The following DLG2 variants were observed in gnomAD, a reference collection of about 807,000 sequenced individuals.
DLG2 encodes discs large MAGUK scaffold protein 2, also known as disks large homolog 2.
In DLG2, 45 loss-of-function variants were observed where a neutral mutation model predicts 132.5. The observed-to-expected ratio is 0.34, with a 90% confidence interval of 0.27 to 0.44. The LOEUF (loss-of-function observed/expected upper bound fraction) is 0.44, where lower values mean the gene tolerates loss of function less well. DLG2 is among the 20% of genes least tolerant of loss of function. DLG2 has a pLI of 1.00. For missense variants in DLG2, 1,045 were observed against 1,196.9 expected, an observed-to-expected ratio of 0.87 and a Z score of 1.87; for synonymous variants, 424 against 419.6, an observed-to-expected ratio of 1.01 and a Z score of -0.13.
At chr11:84,297,185 A>C (rs956866142) in intron 7 of DLG2, among the ~76,000 whole-genome samples, 3 of 151,772 alleles carry the variant, frequency 2.0e-5, no homozygotes, top group African/African-American at 7.3e-5. Flanking sequence ...GCCTGTCTGA[A>C]GAAAAATTGA....
chr11:85,548,614 G>T (rs2076474575), intron 3 of DLG2, among the ~76,000 whole-genome samples: 1 of 152,170 alleles, frequency 6.6e-6, no homozygotes, highest in Non-Finnish European at 1.5e-5. Flanking sequence ...CAGGTGCTCT[G>T]TCCCAGGGAG....
intron 7 of DLG2, among the ~76,000 whole-genome samples, chr11:84,286,056 C>T (rs1002898758): frequency 6.6e-6 from 1 of 152,116 alleles, no homozygotes; most frequent in Non-Finnish European, 1.5e-5. Context: ...CCTAGGAATC[C>T]ATTAACCTAG....
Position 84,379,724 on chromosome 11 carries a change from G to T in DLG2, c.520-128433C>A, listed in dbSNP as rs574465447. On this transcript the variant is annotated intron_variant, in intron 7 of 27. Transcript: ENST00000376104. The stretch of plus-strand genomic sequence containing the variant: ...ACCGTAACATTATTGAAAGTATCTT[G>T]CCAGTACACTTTTAATGAGAGTTTC... Among the ~76,000 whole-genome samples the T allele has an allele frequency of 2.6e-5, 4 of 151,808 alleles. No individual in the cohort carries two copies. The South Asian group carries it at 6.3e-4, about 24-fold the overall frequency.
intron 7 of DLG2, among the ~76,000 whole-genome samples, chr11:84,381,146 C>T (rs2098747888): frequency 6.6e-6 from 1 of 151,852 alleles, no homozygotes; most frequent in South Asian, 2.1e-4. Flanking sequence ...TGACAAATTT[C>T]CTGACAATCA....
intron 19 of DLG2, among the ~76,000 whole-genome samples, chr11:83,603,566 G>A (rs1450346144): frequency 6.6e-6 from 1 of 152,106 alleles, no homozygotes; most frequent in Non-Finnish European, 1.5e-5. Context: ...ATTAAATAAT[G>A]TTAAACTGTT....
chr11:83,921,897 G>A lies in DLG2; in HGVS notation c.1496+8431C>T, dbSNP rs371755723. On this transcript the variant is annotated intron_variant, in intron 15 of 27. Transcript: ENST00000376104. ...AATTAAATTTAGATTGCTTTATCACGGAGTTATTTGAACGTCACAGAATAG... is the reference window on the plus strand; with the variant it reads ...AATTAAATTTAGATTGCTTTATCACAGAGTTATTTGAACGTCACAGAATAG... Among the ~76,000 whole-genome samples the A allele has an allele frequency of 2.3e-3, 355 of 152,028 alleles. 2 individuals carry two copies. Among genetic ancestry groups the A allele is most frequent in the Non-Finnish European group, 2.4e-3 (161 of 67,978 alleles).
chr11:84,701,368 A>T (rs1179418633), intron 6 of DLG2, among the ~76,000 whole-genome samples: 1 of 151,650 alleles, frequency 6.6e-6, no homozygotes, highest in Non-Finnish European at 1.5e-5. Flanking sequence ...GAACTATGAC[A>T]TGATAGTGTA....
chr11:84,157,391 G>A (rs1431615558), intron 9 of DLG2, among the ~76,000 whole-genome samples: 1 of 152,090 alleles, frequency 6.6e-6, no homozygotes, highest in Non-Finnish European at 1.5e-5. Flanking sequence ...ATTTGCACCT[G>A]CTACTCCCTA....
intron 3 of DLG2, among the ~76,000 whole-genome samples, chr11:85,353,176 AG>A (rs1276596435): frequency 2.6e-5 from 4 of 152,254 alleles, no homozygotes; most frequent in African/African-American, 9.6e-5. Flanking sequence ...AAGTCGGCAA[AG>A]GATATGAACA....
intron 6 of DLG2, among the ~76,000 whole-genome samples, chr11:84,907,783 A>G (rs1036442453): frequency 1.3e-5 from 2 of 152,154 alleles, no homozygotes; most frequent in East Asian, 3.9e-4. Context: ...GACAATATAA[A>G]TATTGAGAAG....
At chr11:85,014,964 A>G (rs1408467015) in intron 6 of DLG2, among the ~76,000 whole-genome samples, 1 of 152,140 alleles carries the variant, frequency 6.6e-6, no homozygotes, top group African/African-American at 2.4e-5. Flanking sequence ...TGCCTCTTGA[A>G]GTTATCAGAC....
chr11:85,093,760 A>G (rs1446588800), intron 6 of DLG2, among the ~76,000 whole-genome samples: 1 of 152,206 alleles, frequency 6.6e-6, no homozygotes, highest in Non-Finnish European at 1.5e-5. Flanking sequence ...GGTCCCTCAC[A>G]TGACTTGTGG....
intron 8 of DLG2, among the ~76,000 whole-genome samples, chr11:84,196,873 C>T (rs565994223): frequency 3.8e-4 from 57 of 151,388 alleles, no homozygotes; most frequent in Non-Finnish European, 7.7e-4. Flanking sequence ...AACAACTCTA[C>T]TAAAAATACA....
chr11:84,068,537 C>T (rs550855390), intron 10 of DLG2, among the ~76,000 whole-genome samples: 287 of 16,104 alleles, frequency 0.018, no homozygotes, highest in African/African-American at 0.022. Flanking sequence ...AATGGAGTTC[C>T]CAGACTTAGC....
At chr11:84,307,732 C>T (rs1285140706) in intron 7 of DLG2, among the ~76,000 whole-genome samples, 1 of 139,274 alleles carries the variant, frequency 7.2e-6, no homozygotes, top group Non-Finnish European at 1.6e-5. Context: ...CGCGGACCCT[C>T]GCGGTGAGTG....
intron 3 of DLG2, among the ~76,000 whole-genome samples, chr11:85,435,606 G>C (rs2091436716): frequency 6.6e-6 from 1 of 152,072 alleles, no homozygotes; most frequent in Admixed American, 6.5e-5. Flanking sequence ...AGCTAACAAA[G>C]GGGTGAAGAA....
At chr11:84,295,578 T>G (rs773826943) in intron 7 of DLG2, among the ~76,000 whole-genome samples, 2 of 152,310 alleles carry the variant, frequency 1.3e-5, no homozygotes, top group African/African-American at 2.4e-5. Flanking sequence ...CATGAATCAT[T>G]TTTTAAATCT....
intron 15 of DLG2, among the ~76,000 whole-genome samples, chr11:83,899,043 C>T (rs1164395805): frequency 6.6e-6 from 1 of 150,916 alleles, no homozygotes; most frequent in Non-Finnish European, 1.5e-5. Flanking sequence ...TTTATACTGT[C>T]TGTGGAGTAC....
At chr11:83,724,458 CGT>C (rs150976898) in intron 18 of DLG2, among the ~76,000 whole-genome samples, 8,748 of 121,048 alleles carry the variant, frequency 0.072, 420 homozygotes, top group Non-Finnish European at 0.1. Context: ...TCTCTCTCTC[CGT>C]GTGTGTGTGT....
Sources: gnomAD v4.1 joint callset for allele counts (sites outside exome capture counted in the v4.1 genomes callset) on GRCh38, gnomAD v4.1.1 for gene constraint, MANE v1.5 for transcripts, NCBI Gene and HGNC (gene_info 2026-07-23, HGNC 2026-07-21) for gene names.